KCNQ1: variants seen among roughly 807,000 people sequenced by gnomAD.
KCNQ1 encodes the protein potassium voltage-gated channel subfamily KQT member 1.
A neutral mutation model predicts 72.4 loss-of-function variants in KCNQ1; 49 were observed. That is an observed-to-expected ratio of 0.68 (90% CI 0.54 to 0.86). The LOEUF (loss-of-function observed/expected upper bound fraction) is 0.86, where lower values mean the gene tolerates loss of function less well. Ranked by LOEUF, KCNQ1 falls within the 40% of genes least tolerant of loss-of-function variation. The pLI, the probability that KCNQ1 is intolerant of heterozygous loss-of-function variation, is 0.00. For missense variants in KCNQ1, 790 were observed against 945.1 expected, an observed-to-expected ratio of 0.84 and a Z score of 2.15; for synonymous variants, 450 against 412.6, an observed-to-expected ratio of 1.09 and a Z score of -1.10.
intron 11 of KCNQ1, among the ~76,000 whole-genome samples, chr11:2,705,707 G>A (rs950754924): frequency 5.9e-5 from 9 of 152,236 alleles, no homozygotes; most frequent in African/African-American, 2.2e-4. Flanking sequence ...CATTGCCACA[G>A]CCAGGGCCAA....
chr11:2,782,489 T>C lies in KCNQ1; in HGVS notation c.1794+4452T>C, dbSNP rs1846840291. On this transcript the variant is annotated intron_variant, in intron 15 of 15. Transcript: ENST00000155840. This position sits in a 1 kb window ranked among gnomAD's most constrained non-coding sequence, Gnocchi z 6.1. The stretch of plus-strand genomic sequence containing the variant: ...ACTAACTTAAGAAGTGTTCCCTCTT[T>C]TCCTATATTGGGATATTTTGTATAA... 6.6e-6 allele frequency among the ~76,000 whole-genome samples: 1 copy of C among 152,238 alleles called. No homozygotes were observed. The highest frequency in any genetic ancestry group is 1.5e-5 in the Non-Finnish European group (1 of 68,040).
intron 10 of KCNQ1, chr11:2,640,362 T>A (rs762563198): frequency 8.3e-5 from 33 of 398,514 alleles, no homozygotes; most frequent in Non-Finnish European, 1.3e-4. Context: ...CCCCACTTAC[T>A]GCAATCTTTA....
At chr11:2,841,555 G>A (rs757205544) in intron 15 of KCNQ1, among the ~76,000 whole-genome samples, 5 of 152,224 alleles carry the variant, frequency 3.3e-5, no homozygotes, top group East Asian at 3.9e-4. Flanking sequence ...GTAGTTGGTC[G>A]TGCCCTGTGG....
chr11:2,612,582 T>C lies in KCNQ1; in HGVS notation c.1393+23728T>C, dbSNP rs139749629. 745 of 398,602 alleles carry C rather than the reference T, an allele frequency of 1.9e-3. 4 individuals are homozygous for C. Among genetic ancestry groups the C allele is most frequent in the African/African-American group, 0.011 (556 of 48,760 alleles). 24.7% of individuals were successfully genotyped at this position (398,602 alleles called of 1,614,324 possible). On this transcript the variant is annotated intron_variant, in intron 10 of 15. Transcript: ENST00000155840. This position sits in a 1 kb window ranked among gnomAD's most constrained non-coding sequence, Gnocchi z 5.5. ...TTATATTTCACAACTACAGAATTTC[T>C]ATTTGGTTTCTAATTTCTATCTCTA...
intron 1 of KCNQ1, among the ~76,000 whole-genome samples, chr11:2,504,016 G>A (rs1392630703): frequency 6.6e-6 from 1 of 152,210 alleles, no homozygotes; most frequent in Non-Finnish European, 1.5e-5. Flanking sequence ...CAGCAGAGAA[G>A]GATCCGCACT....
rs142171884 is a variant in KCNQ1 at position 2,515,449 on chromosome 11, C to T, written c.387-12479C>T. ...GGGAGGCCTGTCCACCCCTCCCACC[C>T]GTCCCCGAGGCCCCTGCTGCCCAGC... On this transcript the variant is annotated intron_variant, in intron 1 of 15. Coordinates refer to ENST00000155840, the MANE Select transcript of KCNQ1 (RefSeq NM_000218.3). The surrounding 1 kb of genome is among the most constrained non-coding windows in gnomAD (Gnocchi z 4.7). Among the ~76,000 whole-genome samples, 77 of 152,148 alleles carry T rather than the reference C, an allele frequency of 5.1e-4. No individual in the cohort carries two copies. Among genetic ancestry groups the T allele is most frequent in the African/African-American group, 1.6e-3 (68 of 41,562 alleles).
At chr11:2,539,908 T>C (rs1847796086) in intron 2 of KCNQ1, among the ~76,000 whole-genome samples, 1 of 152,202 alleles carries the variant, frequency 6.6e-6, no homozygotes, top group African/African-American at 2.4e-5. Context: ...GTTATGTCCT[T>C]GTTTTCACAT....
At chr11:2,555,351 G>A (rs764528758) in intron 2 of KCNQ1, among the ~76,000 whole-genome samples, 10 of 152,282 alleles carry the variant, frequency 6.6e-5, no homozygotes, top group East Asian at 3.9e-4. Flanking sequence ...GGGGTGCACC[G>A]TCTTTGGGGT....
chr11:2,650,529 G>A (rs1027564686), intron 10 of KCNQ1: 2 of 398,500 alleles, frequency 5.0e-6, no homozygotes, highest in African/African-American at 4.1e-5. Flanking sequence ...CCACATCAGT[G>A]GTATCTGCAA....
rs1379011707 is a variant in KCNQ1 at position 2,752,161 on chromosome 11, G to A, written c.1515-16683G>A. On this transcript the variant is annotated intron_variant, in intron 11 of 15. Coordinates refer to ENST00000155840, the MANE Select transcript of KCNQ1 (RefSeq NM_000218.3). The surrounding 1 kb of genome is among the most constrained non-coding windows in gnomAD (Gnocchi z 5.2). The stretch of plus-strand genomic sequence containing the variant: ...GTGTAGTGTTGACTTGAGTTGCATC[G>A]TGTTGTGTTGACTTGAGCTGAACTG... 2.6e-5 allele frequency among the ~76,000 whole-genome samples: 4 copies of A among 152,296 alleles called. No homozygotes were observed. The highest frequency in any genetic ancestry group is 1.3e-4 in the Admixed American group (2 of 15,310).
At position 2,458,399 on chromosome 11, in the gene KCNQ1, C is replaced by A. The variant is rs528165695; in HGVS notation, c.386+12915C>A. 1.3e-5 allele frequency among the ~76,000 whole-genome samples: 2 copies of A among 152,218 alleles called. No individual in the cohort carries two copies. The highest frequency in any genetic ancestry group is 4.8e-5 in the African/African-American group (2 of 41,456). On this transcript the variant is annotated intron_variant, in intron 1 of 15. Transcript: ENST00000155840. The surrounding 1 kb of genome is among the most constrained non-coding windows in gnomAD (Gnocchi z 4.6). ...GAGAGAATCTGACATGTGTCCCAGTCGTGATTAACCTGTGAACTGTAACTC... is the reference window on the plus strand; with the variant it reads ...GAGAGAATCTGACATGTGTCCCAGTAGTGATTAACCTGTGAACTGTAACTC...
rs1849224834 is a variant in KCNQ1 at position 2,624,202 on chromosome 11, C to T, written c.1393+35348C>T. Reference sequence around the variant, plus strand: ...GGGCATCTTTTCATATACTTAGTTGCCATCTGTATATCTTCATTGGTGAGA... The same window carrying T: ...GGGCATCTTTTCATATACTTAGTTGTCATCTGTATATCTTCATTGGTGAGA... On this transcript the variant is annotated intron_variant, in intron 10 of 15. Transcript: ENST00000155840. This position sits in a 1 kb window ranked among gnomAD's most constrained non-coding sequence, Gnocchi z 4.9. The T allele has an allele frequency of 7.5e-6, 3 of 398,422 alleles. No individual in the cohort carries two copies. The highest frequency in any genetic ancestry group is 1.3e-5 in the Non-Finnish European group (3 of 226,048). The allele number at this position is 398,422 out of a possible 1,614,324, so 24.7% of individuals were successfully genotyped here. A position where few individuals can be genotyped will look rare whatever the true frequency, so the allele number is the denominator to read the frequency against.
Position 2,565,711 on chromosome 11 carries a change from C to T in KCNQ1, c.478-4917C>T, listed in dbSNP as rs1336993973. 2.0e-5 allele frequency among the ~76,000 whole-genome samples: 3 copies of T among 152,168 alleles called. No homozygotes were observed. Among genetic ancestry groups the T allele is most frequent in the Non-Finnish European group, 4.4e-5 (3 of 68,030 alleles). Reference sequence around the variant, plus strand: ...CTTGCTAGAAAAGCATACAGTCGAACGAGTGGGTCCGATGTGGAGTGCAGT... The same window carrying T: ...CTTGCTAGAAAAGCATACAGTCGAATGAGTGGGTCCGATGTGGAGTGCAGT... On this transcript the variant is annotated intron_variant, in intron 2 of 15. Coordinates refer to ENST00000155840, the MANE Select transcript of KCNQ1 (RefSeq NM_000218.3). The surrounding 1 kb of genome is among the most constrained non-coding windows in gnomAD (Gnocchi z 5.6).
At chr11:2,454,703 C>T (rs1385720707) in intron 1 of KCNQ1, among the ~76,000 whole-genome samples, 2 of 152,132 alleles carry the variant, frequency 1.3e-5, no homozygotes, top group Non-Finnish European at 2.9e-5. Context: ...TAGAAAAAAA[C>T]TTTTGATAAA....
At chr11:2,525,622 C>G (rs71473708) in intron 1 of KCNQ1, among the ~76,000 whole-genome samples, 1,863 of 152,340 alleles carry the variant, frequency 0.012, 18 homozygotes, top group Non-Finnish European at 0.021. Context: ...GCAGCCAGCG[C>G]TTTGGGCAGG....
intron 1 of KCNQ1, among the ~76,000 whole-genome samples, chr11:2,511,826 T>G (rs1200495210): frequency 6.6e-6 from 1 of 152,200 alleles, no homozygotes; most frequent in African/African-American, 2.4e-5. Flanking sequence ...GAGGGGGTGC[T>G]TGGCCACATG....
rs962231594 is a variant in KCNQ1 at position 2,668,388 on chromosome 11, T to C, written c.1514+6307T>C. ...TCTTAGTGAATACTACCCAGCAGTCTACCAAAGGAGTCATTCCAATTTTCA... is the reference window on the plus strand; with the variant it reads ...TCTTAGTGAATACTACCCAGCAGTCCACCAAAGGAGTCATTCCAATTTTCA... On this transcript the variant is annotated intron_variant, in intron 11 of 15. Transcript: ENST00000155840. This position sits in a 1 kb window ranked among gnomAD's most constrained non-coding sequence, Gnocchi z 4.3. 2 of 398,638 alleles carry C rather than the reference T, an allele frequency of 5.0e-6. No homozygotes were observed. The highest frequency in any genetic ancestry group is 8.8e-6 in the Non-Finnish European group (2 of 226,062). 24.7% of individuals were successfully genotyped at this position (398,638 alleles called of 1,614,324 possible).
Position 2,653,968 on chromosome 11 carries a change from C to G in KCNQ1, c.1394-7993C>G, listed in dbSNP as rs1050787524. 2.5e-6 allele frequency: 1 copy of G among 398,694 alleles called. No individual in the cohort carries two copies. Among genetic ancestry groups the G allele is most frequent in the African/African-American group, 2.1e-5 (1 of 48,772 alleles). 24.7% of individuals were successfully genotyped at this position (398,694 alleles called of 1,614,324 possible). The stretch of plus-strand genomic sequence containing the variant: ...CAAAAACAACAGGTGTCCACTCAAG[C>G]AAGGTATTTTCCTAAGCGGAACTGG... On this transcript the variant is annotated intron_variant, in intron 10 of 15. Coordinates refer to ENST00000155840, the MANE Select transcript of KCNQ1 (RefSeq NM_000218.3). The surrounding 1 kb of genome is among the most constrained non-coding windows in gnomAD (Gnocchi z 5.3).
rs1356227420 is a variant in KCNQ1, at chr11:2,715,735, C to T, written c.1515-53109C>T. ...CCTCTGGGGCACCCTCATATCACAC[C>T]CTGTCCCTCTGGCCACATTCCAGCT... On this transcript the variant is annotated intron_variant, in intron 11 of 15. Transcript: ENST00000155840. This position sits in a 1 kb window ranked among gnomAD's most constrained non-coding sequence, Gnocchi z 4.9. Among the ~76,000 whole-genome samples, 1 of 152,210 alleles carries T rather than the reference C, an allele frequency of 6.6e-6. No homozygotes were observed. The highest frequency in any genetic ancestry group is 1.5e-5 in the Non-Finnish European group (1 of 68,022).
Sources: allele counts gnomAD v4.1 joint callset (sites outside exome capture counted in the v4.1 genomes callset), GRCh38; gene constraint gnomAD v4.1.1; non-coding constraint Gnocchi (gnomAD v3.1); transcripts MANE v1.5; gene names NCBI Gene and HGNC (gene_info 2026-07-23, HGNC 2026-07-21).